The following RIMS2 variants were observed in gnomAD, a reference collection of about 807,000 sequenced individuals.
RIMS2 encodes regulating synaptic membrane exocytosis 2.
Under a neutral mutation model 174.4 loss-of-function variants are expected in RIMS2, and 59 were observed. The observed-to-expected ratio is 0.34, with a 90% CI of 0.27 to 0.42. The LOEUF (loss-of-function observed/expected upper bound fraction) is 0.42. RIMS2 is among the 10% of genes least tolerant of loss of function. RIMS2 has a pLI of 1.00. For synonymous variants in RIMS2, 606 were observed against 572.5 expected (o/e 1.06, Z -0.84); for missense variants, 1,620 against 1,666.3 (o/e 0.97, Z 0.48).
At chr8:103,668,149 A>G (rs1039002494) in intron 1 of RIMS2, among the ~76,000 whole-genome samples, 2 of 152,196 alleles carry the variant, frequency 1.3e-5, no homozygotes, top group Admixed American at 1.3e-4. Context: ...TCCAGTGACT[A>G]TTTCATAAGG....
chr8:103,836,442 A>C (rs764246060), intron 3 of RIMS2, among the ~76,000 whole-genome samples: 8 of 152,128 alleles, frequency 5.3e-5, no homozygotes, highest in Non-Finnish European at 7.4e-5. Flanking sequence ...CACACCTGTC[A>C]TCCCAGCTGC....
At chr8:103,738,660 T>C (rs1049722509) in intron 2 of RIMS2, among the ~76,000 whole-genome samples, 2 of 152,080 alleles carry the variant, frequency 1.3e-5, no homozygotes, top group African/African-American at 4.8e-5. Context: ...ATCCAGAATC[T>C]ACAAAGAACT....
At chr8:103,558,494 G>A (rs902787264) in intron 1 of RIMS2, among the ~76,000 whole-genome samples, 4 of 152,192 alleles carry the variant, frequency 2.6e-5, no homozygotes, top group Admixed American at 6.5e-5. Context: ...AAAGTATTGG[G>A]ATTATAGGCA....
chr8:103,639,100 A>G (rs1367764018), intron 1 of RIMS2, among the ~76,000 whole-genome samples: 5 of 151,974 alleles, frequency 3.3e-5, no homozygotes, highest in African/African-American at 7.2e-5. Flanking sequence ...GCTAACTTGT[A>G]TAGTATGGAA....
At chr8:103,965,096 C>G (rs1457156802) in intron 15 of RIMS2, among the ~76,000 whole-genome samples, 1 of 152,128 alleles carries the variant, frequency 6.6e-6, no homozygotes, top group Non-Finnish European at 1.5e-5. Flanking sequence ...AGGGTCAATT[C>G]TCCAACTTCA....
chr8:103,802,905 A>G (rs1339854941), intron 3 of RIMS2, among the ~76,000 whole-genome samples: 1 of 152,168 alleles, frequency 6.6e-6, no homozygotes, highest in South Asian at 2.1e-4. Flanking sequence ...ACATTTTCCT[A>G]TTGCATATTT....
intron 4 of RIMS2, among the ~76,000 whole-genome samples, chr8:103,890,985 T>A (rs1178270147): frequency 1.3e-5 from 2 of 151,942 alleles, no homozygotes; most frequent in Admixed American, 6.6e-5. Context: ...ACCTACTAGA[T>A]GCCAGTAGCA....
chr8:103,829,898 T>C (rs1429566531), intron 3 of RIMS2, among the ~76,000 whole-genome samples: 1 of 152,172 alleles, frequency 6.6e-6, no homozygotes, highest in Non-Finnish European at 1.5e-5. Flanking sequence ...TGAAAAATAA[T>C]ACAAATTTTA....
chr8:103,821,224 T>G lies in RIMS2; in HGVS notation c.698+54687T>G, dbSNP rs2098749820. 2.6e-5 allele frequency among the ~76,000 whole-genome samples: 4 copies of G among 151,858 alleles called. No individual in the cohort carries two copies. In the South Asian group the frequency reaches 8.3e-4, roughly 31 times the overall value. ...TGTACTTGCTTTGGCTTCAAGTTTC[T>G]TTTATTGTTGGCATGCCTATAATTT... On this transcript the variant is annotated intron_variant, in intron 3 of 23. Coordinates refer to ENST00000504942, the Ensembl canonical transcript of RIMS2.
intron 2 of RIMS2, among the ~76,000 whole-genome samples, chr8:103,706,525 A>T (rs1270144734): frequency 2.0e-5 from 3 of 151,986 alleles, no homozygotes; most frequent in East Asian, 3.9e-4. Flanking sequence ...TTTGTTTGAA[A>T]ACTTTTCTCC....
intron 19 of RIMS2, chr8:104,093,479 A>G (rs766099078): frequency 1.3e-6 from 2 of 1,595,256 alleles, no homozygotes; most frequent in Non-Finnish European, 1.7e-6. Context: ...AGTATCGATC[A>G]GGATGGGATC....
intron 1 of RIMS2, among the ~76,000 whole-genome samples, chr8:103,673,348 A>C (rs1346751124): frequency 6.6e-6 from 1 of 152,130 alleles, no homozygotes; most frequent in Non-Finnish European, 1.5e-5. Context: ...CTCCAACCCC[A>C]CATTTCTCCT....
At chr8:104,095,915 C>T (rs2130579787) in intron 19 of RIMS2, among the ~76,000 whole-genome samples, 1 of 152,172 alleles carries the variant, frequency 6.6e-6, no homozygotes, top group Middle Eastern at 3.4e-3. Context: ...CCCTTGTTAT[C>T]TTAGATATAT....
intron 1 of RIMS2, among the ~76,000 whole-genome samples, chr8:103,597,356 G>T (rs989083623): frequency 6.6e-6 from 1 of 152,006 alleles, no homozygotes; most frequent in East Asian, 1.9e-4. Flanking sequence ...TTTACTTTCT[G>T]GCATGCACAT....
intron 1 of RIMS2, among the ~76,000 whole-genome samples, chr8:103,686,504 G>A (rs2096941767): frequency 1.3e-5 from 2 of 152,084 alleles, no homozygotes; most frequent in Admixed American, 6.6e-5. Flanking sequence ...GGAAGTTTTT[G>A]TCAATTCCTA....
rs576354449 is a variant in RIMS2, at chr8:103,857,780, T to G, written c.699-27518T>G. ...ACTCTATGTGATCTCACTATGTCTA[T>G]TACAACTCTCTTCTCACTTTATTCC... On this transcript the variant is annotated intron_variant, in intron 3 of 23. Coordinates refer to ENST00000504942, the Ensembl canonical transcript of RIMS2. Among the ~76,000 whole-genome samples, 97 of 152,342 alleles carry G rather than the reference T, an allele frequency of 6.4e-4. 1 individual carries two copies. The highest frequency in any genetic ancestry group is 1.2e-4 in the Non-Finnish European group (8 of 68,032).
At chr8:104,245,104 T>A in intron 20 of RIMS2, 47 bp downstream of exon 26, 1 of 1,589,568 alleles carries the variant, frequency 6.3e-7, no homozygotes, top group Non-Finnish European at 8.6e-7. Flanking sequence ...GCCTCACCTA[T>A]CTCACTCTAT....
chr8:103,682,307 G>GGCAT (rs376219109), intron 1 of RIMS2, among the ~76,000 whole-genome samples: 42 of 152,042 alleles, frequency 2.8e-4, no homozygotes, highest in African/African-American at 9.4e-4. Flanking sequence ...AAGAGAAGAG[G>GGCAT]GCATGAGTCT....
intron 1 of RIMS2, among the ~76,000 whole-genome samples, chr8:103,614,539 G>A (rs780142092): frequency 7.2e-5 from 11 of 152,216 alleles, no homozygotes; most frequent in Non-Finnish European, 1.5e-4. Flanking sequence ...TAGTGCTTTT[G>A]TGTGTGCCGA....
Sources: allele counts gnomAD v4.1 joint callset (sites outside exome capture counted in the v4.1 genomes callset), GRCh38; gene constraint gnomAD v4.1.1; transcripts MANE v1.5; gene names NCBI Gene and HGNC (gene_info 2026-07-23, HGNC 2026-07-21).